Variants in MID2 observed in about 807,000 individuals in gnomAD.
MID2 encodes midline 2, also known as probable E3 ubiquitin-protein ligase MID2.
MID2 carries 13 observed loss-of-function variants against 46.1 expected under a neutral mutation model. The ratio of observed to expected loss-of-function variants is 0.28; its 90% CI spans 0.18 to 0.45. MID2 has a LOEUF of 0.45. Ranked by LOEUF, MID2 falls within the 20% of genes least tolerant of loss-of-function variation. The probability of loss-of-function intolerance (pLI) is 1.00; values close to 1 mark genes in which losing one functional copy is unlikely to be tolerated. For synonymous variants in MID2, 199 were observed against 212.3 expected, an observed-to-expected ratio of 0.94 and a Z score of 0.55; for missense variants, 431 against 575.4, an observed-to-expected ratio of 0.75 and a Z score of 2.57.
chrX:107,863,826 G>A (rs1367368430), intron 3 of MID2, among the ~76,000 whole-genome samples: 1 of 112,631 alleles, frequency 8.9e-6, no homozygotes, highest in Non-Finnish European at 1.9e-5. Context: ...GTCTCTGCCT[G>A]TCTAGAGGAG....
intron 3 of MID2, among the ~76,000 whole-genome samples, chrX:107,866,464 C>T (rs1412604343): frequency 9.5e-6 from 1 of 105,353 alleles, no homozygotes; most frequent in Non-Finnish European, 1.9e-5. Context: ...CACACACACA[C>T]ACACACACAC....
chrX:107,867,297 T>A lies in MID2; in HGVS notation c.816+12593T>A, dbSNP rs1432373634. On this transcript the variant is annotated intron_variant, in intron 3 of 9. Transcript: ENST00000262843. ...TCCCAAGTAGCTGGGATTACAGGCATGTGCCGCCACGCCCAGCTAATTTTT... is the reference window on the plus strand; with the variant it reads ...TCCCAAGTAGCTGGGATTACAGGCAAGTGCCGCCACGCCCAGCTAATTTTT... 5.5e-5 allele frequency among the ~76,000 whole-genome samples: 6 copies of A among 109,190 alleles called. 1 individual carries two copies. The highest frequency in any genetic ancestry group is 9.5e-5 in the Non-Finnish European group (5 of 52,613). The allele number at this position is 109,190 out of a possible 115,157, so 94.8% of individuals were successfully genotyped here.
At chrX:107,873,133 G>C in intron 3 of MID2, among the ~76,000 whole-genome samples, 1 of 111,691 alleles carries the variant, frequency 9.0e-6, no homozygotes, top group South Asian at 3.9e-4. Flanking sequence ...GAGGTACTTA[G>C]GGAGTCCAAA....
At chrX:107,834,113 C>T (rs967612467) in intron 1 of MID2, among the ~76,000 whole-genome samples, 5 of 111,689 alleles carry the variant, frequency 4.5e-5, no homozygotes, top group Non-Finnish European at 9.4e-5. Context: ...TTATCTTAAT[C>T]ACCTTCATCA....
chrX:107,865,103 T>C (rs763166853), intron 3 of MID2, among the ~76,000 whole-genome samples: 3 of 111,653 alleles, frequency 2.7e-5, no homozygotes, highest in Non-Finnish European at 5.6e-5. Context: ...AAATTAAGAG[T>C]TTGCATCCAA....
At chrX:107,889,319 G>A (rs1260792835) in intron 3 of MID2, among the ~76,000 whole-genome samples, 3 of 111,623 alleles carry the variant, frequency 2.7e-5, no homozygotes, top group South Asian at 7.6e-4. Flanking sequence ...AGGCCTGGTG[G>A]TGACACAATC....
chrX:107,884,793 A>G (rs992502989), intron 3 of MID2, among the ~76,000 whole-genome samples: 1 of 112,238 alleles, frequency 8.9e-6, no homozygotes, highest in Non-Finnish European at 1.9e-5. Flanking sequence ...GTCATTTGCT[A>G]GCTTATATGA....
chrX:107,873,837 T>C (rs1013253284), intron 3 of MID2, among the ~76,000 whole-genome samples: 50 of 111,853 alleles, frequency 4.5e-4, no homozygotes, highest in African/African-American at 1.6e-3. Flanking sequence ...TGGTATTTAA[T>C]GGGACTCCCA....
rs1931912461 is a variant in MID2 at position 107,864,239 on chromosome X, G to A, written c.816+9535G>A. ...CTAGCTCTAGAAAAACATATGGTCT[G>A]TTTGGGGGCCTGGCGTTCCTGAATC... On this transcript the variant is annotated intron_variant, in intron 3 of 9. Coordinates refer to ENST00000262843, the MANE Select transcript of MID2 (RefSeq NM_012216.4). Among the ~76,000 whole-genome samples, 2 of 111,728 alleles carry A rather than the reference G, an allele frequency of 1.8e-5. 1 individual carries two copies. The highest frequency in any genetic ancestry group is 1.9e-4 in the Admixed American group (2 of 10,533).
chrX:107,892,348 C>T (rs1932622573), intron 3 of MID2, among the ~76,000 whole-genome samples: 1 of 112,200 alleles, frequency 8.9e-6, no homozygotes, highest in Admixed American at 9.4e-5. Context: ...CCACTAGTCA[C>T]ATGAACTTGG....
At chrX:107,881,614 A>G (rs928611728) in intron 3 of MID2, among the ~76,000 whole-genome samples, 3 of 112,436 alleles carry the variant, frequency 2.7e-5, no homozygotes, top group African/African-American at 9.7e-5. Context: ...TACGTTCCTG[A>G]AAGTAGAATT....
intron 4 of MID2, among the ~76,000 whole-genome samples, chrX:107,904,773 C>T (rs757125953): frequency 4.5e-5 from 5 of 111,765 alleles, no homozygotes; most frequent in East Asian, 2.8e-4. Context: ...TGATCATAAG[C>T]GTCAAGTGTG....
chrX:107,830,523 A>C (rs1714595388), intron 1 of MID2, among the ~76,000 whole-genome samples: 1 of 112,380 alleles, frequency 8.9e-6, no homozygotes, highest in Non-Finnish European at 1.9e-5. Context: ...CATCATCAAA[A>C]TATGAGATGT....
At chrX:107,890,832 C>T (rs1402222340) in intron 3 of MID2, among the ~76,000 whole-genome samples, 4 of 111,271 alleles carry the variant, frequency 3.6e-5, no homozygotes, top group African/African-American at 1.3e-4. Flanking sequence ...TGCCCCTCCC[C>T]CAGCCTTGCT....
intron 6 of MID2, 57 bp from the exon 7 acceptor site, chrX:107,917,449 A>C: frequency 6.3e-6 from 6 of 948,754 alleles, no homozygotes; most frequent in Non-Finnish European, 6.0e-6. Context: ...TAACAATTGT[A>C]AAATTCCAGA....
At chrX:107,836,535 G>A (rs897580463) in intron 1 of MID2, among the ~76,000 whole-genome samples, 9 of 110,089 alleles carry the variant, frequency 8.2e-5, no homozygotes, top group Admixed American at 6.7e-4. Flanking sequence ...ATAGGCGTGA[G>A]CCACCACGCC....
chrX:107,831,374 C>T (rs1476115834), intron 1 of MID2, among the ~76,000 whole-genome samples: 2 of 112,198 alleles, frequency 1.8e-5, no homozygotes, highest in African/African-American at 6.5e-5. Context: ...AATCTGAAAT[C>T]GTCCTGAAAC....
chrX:107,887,775 G>C (rs1299512686), intron 3 of MID2, among the ~76,000 whole-genome samples: 1 of 111,949 alleles, frequency 8.9e-6, no homozygotes, highest in Admixed American at 9.5e-5. Context: ...TGGTTTGTAA[G>C]CTATTAATTA....
intron 3 of MID2, among the ~76,000 whole-genome samples, chrX:107,890,282 A>G (rs878887293): frequency 1.8e-5 from 2 of 111,798 alleles, no homozygotes; most frequent in Non-Finnish European, 3.8e-5. Context: ...ATGGTGACGT[A>G]CAGATGGGGT....
Sources: gnomAD v4.1 joint callset for allele counts (sites outside exome capture counted in the v4.1 genomes callset) on GRCh38, gnomAD v4.1.1 for gene constraint, MANE v1.5 for transcripts, NCBI Gene and HGNC (gene_info 2026-07-23, HGNC 2026-07-21) for gene names.